Variants in PTPRN2 observed in about 807,000 individuals in gnomAD.
PTPRN2 encodes protein tyrosine phosphatase receptor type N2.
PTPRN2 carries 74 observed loss-of-function variants against 118.8 expected under a neutral mutation model. The observed-to-expected ratio is 0.62, with a 90% CI of 0.52 to 0.76. PTPRN2 has a LOEUF of 0.76. PTPRN2 is among the 30% of genes least tolerant of loss of function. PTPRN2 has a pLI of 0.00. For synonymous variants in PTPRN2, 641 were observed against 608.0 expected (o/e 1.05, Z -0.80); for missense variants, 1,481 against 1,394.4 (o/e 1.06, Z -0.99).
rs375612133 is a variant in PTPRN2 at position 157,851,236 on chromosome 7, G to A, written c.1788+47437C>T. ...GGGTTCCTGCCTCCTATAGAGTGGCGGTTAATGCTTAATCAGCAAATGCAC... is the reference window on the plus strand; with the variant it reads ...GGGTTCCTGCCTCCTATAGAGTGGCAGTTAATGCTTAATCAGCAAATGCAC... On this transcript the variant is annotated intron_variant, in intron 12 of 22. Coordinates refer to ENST00000389418, the MANE Select transcript of PTPRN2 (RefSeq NM_002847.5). Among the ~76,000 whole-genome samples, 49 of 152,268 alleles carry A rather than the reference G, an allele frequency of 3.2e-4. No individual in the cohort carries two copies. In the East Asian group the frequency reaches 5.8e-3, roughly 18 times the overall value.
chr7:157,897,284 C>T (rs1292486548), intron 12 of PTPRN2, among the ~76,000 whole-genome samples: 1 of 152,158 alleles, frequency 6.6e-6, no homozygotes, highest in Non-Finnish European at 1.5e-5. Flanking sequence ...AGGAGACTCA[C>T]GGCCCGGTCA....
chr7:157,770,637 G>A (rs1802744479), intron 12 of PTPRN2, among the ~76,000 whole-genome samples: 2 of 152,186 alleles, frequency 1.3e-5, no homozygotes. Context: ...CAATGACAGA[G>A]CAGATCTGAA....
At chr7:157,850,580 CT>C (rs1045233696) in intron 12 of PTPRN2, among the ~76,000 whole-genome samples, 1 of 152,334 alleles carries the variant, frequency 6.6e-6, no homozygotes, top group Non-Finnish European at 1.5e-5. Context: ...CAGAATTCTC[CT>C]TTCTCAAACC....
chr7:158,301,834 CA>C (rs1800912781), intron 3 of PTPRN2, among the ~76,000 whole-genome samples: 1 of 152,150 alleles, frequency 6.6e-6, no homozygotes, highest in Admixed American at 6.6e-5. Flanking sequence ...CCTGTAGTTT[CA>C]ACTACTTGGG....
chr7:157,942,144 G>GGTCCTCGGCCCACCCTCCACACACGGGA (rs1336619003), intron 11 of PTPRN2, among the ~76,000 whole-genome samples: 12 of 78,014 alleles, frequency 1.5e-4, no homozygotes, highest in Non-Finnish European at 2.5e-4. Context: ...CACGCACAGG[G>GGTCCTCGGCCCACCCTCCACACACGGGA]GTCCTCGGCC....
chr7:158,081,201 G>GTC, intron 11 of PTPRN2, 97 bp downstream of exon 11: 2 of 1,247,632 alleles, frequency 1.6e-6, no homozygotes, highest in Non-Finnish European at 2.3e-6. Flanking sequence ...GGTAGTGTGA[G>GTC]TCTCTCTCTG....
chr7:158,342,830 G>A (rs540539640), intron 2 of PTPRN2, among the ~76,000 whole-genome samples: 2 of 152,114 alleles, frequency 1.3e-5, no homozygotes, highest in Non-Finnish European at 2.9e-5. Context: ...AACCATTCCA[G>A]ACCACCGGGA....
At position 158,373,717 on chromosome 7, in the gene PTPRN2, A is replaced by AC. The variant is rs146702968; in HGVS notation, c.164-56786_164-56785insG. ...CCAGTTCCCACCGGATGAAAGTTGA[A>AC]GAAGGAGCAGGATTGGAAATATTCA... is the stretch of plus-strand genomic sequence containing the variant. On this transcript the variant is annotated intron_variant, in intron 2 of 22. Transcript: ENST00000389418. Among the ~76,000 whole-genome samples the AC allele has an allele frequency of 5.0e-3, 765 of 152,366 alleles. 9 individuals are homozygous for AC. Among genetic ancestry groups the AC allele is most frequent in the African/African-American group, 0.018 (730 of 41,586 alleles).
intron 2 of PTPRN2, among the ~76,000 whole-genome samples, chr7:158,333,533 TC>T (rs1804931291): frequency 1.3e-5 from 1 of 76,812 alleles, no homozygotes; most frequent in Admixed American, 1.3e-4. Flanking sequence ...GACCTGACAC[TC>T]GCAGACGTCA....
rs1172761650 is a variant in PTPRN2, at chr7:157,576,675, G to A, written c.2721C>T (p.His907=). The change falls in exon 19 of 23, where the codon CAC becomes CAT. Residue 907 remains histidine (H), a synonymous_variant. Coordinates refer to ENST00000389418, the MANE Select transcript of PTPRN2 (RefSeq NM_002847.5). The part of the protein sequence containing the change: ...TNETRTVTQF[H]FLSWYDRGVP... ...CTCCTCGGTCATACCAACTCAGGAA[G>A]TGGAACTGCGTCACGGTGCGCGTCT... 2 of 1,612,562 alleles carry A rather than the reference G, an allele frequency of 1.2e-6. No homozygotes were observed. Among genetic ancestry groups the A allele is most frequent in the Admixed American group, 1.7e-5 (1 of 59,828 alleles).
intron 11 of PTPRN2, among the ~76,000 whole-genome samples, chr7:157,910,459 T>C (rs1167105384): frequency 7.2e-6 from 1 of 138,828 alleles, no homozygotes; most frequent in Non-Finnish European, 1.5e-5. Context: ...GTACGCCGGA[T>C]CACGCACGTA....
At chr7:158,370,512 GGAGGCC>G (rs902035623) in intron 2 of PTPRN2, among the ~76,000 whole-genome samples, 59 of 152,012 alleles carry the variant, frequency 3.9e-4, no homozygotes, top group African/African-American at 1.4e-3. Flanking sequence ...CAGCACTTTG[GGAGGCC>G]GAGGCGGGTG....
intron 11 of PTPRN2, among the ~76,000 whole-genome samples, chr7:157,967,595 C>A (rs1802041207): frequency 6.6e-6 from 1 of 152,130 alleles, no homozygotes; most frequent in South Asian, 2.1e-4. Context: ...CCCGTCCTCA[C>A]TCAGAGGCAG....
rs570535324 is a variant in PTPRN2 at position 158,314,836 on chromosome 7, AAGGACAGAGGTGAACCCGGAACCCCTGT to A, written c.277+1955_277+1982del. Among the ~76,000 whole-genome samples, 564 of 150,626 alleles carry A rather than the reference AAGGACAGAGGTGAACCCGGAACCCCTGT, an allele frequency of 3.7e-3. 10 individuals carry two copies. Among genetic ancestry groups the A allele is most frequent in the Middle Eastern group, 0.01 (3 of 286 alleles). On this transcript the variant is annotated intron_variant, in intron 3 of 22. Coordinates refer to ENST00000389418, the MANE Select transcript of PTPRN2 (RefSeq NM_002847.5). Reference sequence around the variant, plus strand: ...ACACCACCCATGCTGGGACCCCCTGAAGGACAGAGGTGAACCCGGAACCCCTGTAGGACAGAGGTGAACCCGGGACCCC... The same window carrying A: ...ACACCACCCATGCTGGGACCCCCTGAAGGACAGAGGTGAACCCGGGACCCC...
At chr7:158,343,025 G>A (rs1455736676) in intron 2 of PTPRN2, among the ~76,000 whole-genome samples, 1 of 152,260 alleles carries the variant, frequency 6.6e-6, no homozygotes, top group East Asian at 1.9e-4. Context: ...CTCCAGCCTG[G>A]GCAACAAGAG....
intron 2 of PTPRN2, among the ~76,000 whole-genome samples, chr7:158,465,472 C>T (rs1250096547): frequency 6.6e-6 from 1 of 152,190 alleles, no homozygotes; most frequent in Non-Finnish European, 1.5e-5. Context: ...TAACTGTTTT[C>T]ACTAACATTC....
At chr7:158,385,044 A>G (rs189002113) in intron 2 of PTPRN2, among the ~76,000 whole-genome samples, 287 of 152,350 alleles carry the variant, frequency 1.9e-3, no homozygotes, top group African/African-American at 6.3e-3. Context: ...CATTCAGTGC[A>G]TCAACGTCCC....
rs568928942 is a variant in PTPRN2 at position 157,785,807 on chromosome 7, G to A, written c.1789-102870C>T. On this transcript the variant is annotated intron_variant, in intron 12 of 22. Transcript: ENST00000389418. The surrounding 1 kb of genome is among the most constrained non-coding windows in gnomAD (Gnocchi z 7.3). ...CACGCCCGGCTGGGAGCTGAGACGC[G>A]CAGGGGGCCCAGCTGAAGCCTGCGT... Among the ~76,000 whole-genome samples, 27 of 152,268 alleles carry A rather than the reference G, an allele frequency of 1.8e-4. No individual in the cohort carries two copies. The highest frequency in any genetic ancestry group is 6.3e-4 in the African/African-American group (26 of 41,552).
intron 3 of PTPRN2, among the ~76,000 whole-genome samples, chr7:158,271,213 CTT>C (rs1798497267): frequency 6.6e-6 from 1 of 152,094 alleles, no homozygotes; most frequent in Non-Finnish European, 1.5e-5. Flanking sequence ...TGCTGCTTCT[CTT>C]GTGTTGTGAA....
Sources: gnomAD v4.1 joint callset for allele counts (sites outside exome capture counted in the v4.1 genomes callset) on GRCh38, gnomAD v4.1.1 for gene constraint, Gnocchi (gnomAD v3.1) non-coding constraint, MANE v1.5 for transcripts, NCBI Gene and HGNC (gene_info 2026-07-23, HGNC 2026-07-21) for gene names.